TIAM1: variants seen among roughly 807,000 people sequenced by gnomAD.
TIAM1 encodes the protein TIAM Rac1 associated GEF 1.
TIAM1 carries 65 observed loss-of-function variants against 163.5 expected under a neutral mutation model. That is an observed-to-expected ratio of 0.40 (90% CI 0.33 to 0.49). The LOEUF is 0.49. TIAM1 is among the 20% of genes least tolerant of loss of function. TIAM1 has a pLI of 0.77. For synonymous variants in TIAM1, 833 were observed against 810.1 expected (o/e 1.03, Z -0.48); for missense variants, 1,789 against 2,044.7 (o/e 0.87, Z 2.41).
intron 2 of TIAM1, among the ~76,000 whole-genome samples, chr21:31,416,568 C>T (rs182288366): frequency 2.6e-5 from 4 of 152,260 alleles, no homozygotes; most frequent in Admixed American, 2.6e-4. Flanking sequence ...TGAGAACATA[C>T]AATATTTGGT....
chr21:31,155,595 T>C (rs1045371612), intron 16 of TIAM1, among the ~76,000 whole-genome samples: 44 of 152,146 alleles, frequency 2.9e-4, no homozygotes, highest in East Asian at 5.8e-4. Context: ...AGCTCCACCT[T>C]CCGGGTTCAC....
chr21:31,464,450 C>G (rs2045448268), intron 1 of TIAM1, among the ~76,000 whole-genome samples: 1 of 152,136 alleles, frequency 6.6e-6, no homozygotes, highest in South Asian at 2.1e-4. Context: ...GGTTCACACC[C>G]TAATCCCAGC....
chr21:31,516,369 G>A (rs955360694), intron 1 of TIAM1, among the ~76,000 whole-genome samples: 18 of 152,084 alleles, frequency 1.2e-4, no homozygotes, highest in African/African-American at 1.4e-4. Context: ...CTGAGATCTC[G>A]CCACTGCACT....
At chr21:31,506,252 T>TCACACACGTA (rs1326410800) in intron 1 of TIAM1, among the ~76,000 whole-genome samples, 1 of 94,390 alleles carries the variant, frequency 1.1e-5, no homozygotes, top group Non-Finnish European at 2.1e-5. Context: ...TCACGCACTC[T>TCACACACGTA]CACACACGTA....
At chr21:31,292,372 T>A (rs1352940746) in intron 2 of TIAM1, among the ~76,000 whole-genome samples, 8 of 134,058 alleles carry the variant, frequency 6.0e-5, no homozygotes, top group East Asian at 2.1e-4. Flanking sequence ...TTCAATTTCC[T>A]TTTTTTTTTT....
At chr21:31,451,382 C>T (rs2044832927) in intron 2 of TIAM1, among the ~76,000 whole-genome samples, 1 of 152,020 alleles carries the variant, frequency 6.6e-6, no homozygotes, top group Non-Finnish European at 1.5e-5. Context: ...GATAATTCAC[C>T]CCGCATTACT....
intron 2 of TIAM1, among the ~76,000 whole-genome samples, chr21:31,308,767 C>A (rs1028226258): frequency 6.6e-6 from 1 of 152,156 alleles, no homozygotes; most frequent in Admixed American, 6.6e-5. Context: ...CAGAGGCCAA[C>A]AGACGCCAGG....
At chr21:31,433,783 C>A (rs111367817) in intron 2 of TIAM1, among the ~76,000 whole-genome samples, 6 of 152,148 alleles carry the variant, frequency 3.9e-5, no homozygotes, top group Non-Finnish European at 8.8e-5. Context: ...CATAACTGAA[C>A]CTTAATATTT....
At chr21:31,239,980 T>C (rs2071081934) in intron 6 of TIAM1, among the ~76,000 whole-genome samples, 1 of 152,146 alleles carries the variant, frequency 6.6e-6, no homozygotes, top group African/African-American at 2.4e-5. Flanking sequence ...GGTATATATG[T>C]TTGTCCAACA....
At chr21:31,270,925 A>T (rs1209214055) in intron 3 of TIAM1, among the ~76,000 whole-genome samples, 2 of 152,072 alleles carry the variant, frequency 1.3e-5, no homozygotes, top group African/African-American at 4.8e-5. Context: ...TACTCCACCA[A>T]GTTCCTTCAG....
At chr21:31,305,013 C>CG (rs753368544) in intron 2 of TIAM1, among the ~76,000 whole-genome samples, 3 of 152,080 alleles carry the variant, frequency 2.0e-5, no homozygotes, top group Non-Finnish European at 4.4e-5. Flanking sequence ...TCTAAATTCA[C>CG]GGAACTCCTG....
chr21:31,397,744 G>T (rs1248235794), intron 2 of TIAM1, among the ~76,000 whole-genome samples: 1 of 152,186 alleles, frequency 6.6e-6, no homozygotes, highest in Non-Finnish European at 1.5e-5. Context: ...TATACAGAAA[G>T]AAACGCTTTC....
At chr21:31,383,322 A>G (rs1324206120) in intron 2 of TIAM1, among the ~76,000 whole-genome samples, 1 of 152,186 alleles carries the variant, frequency 6.6e-6, no homozygotes, top group East Asian at 1.9e-4. Flanking sequence ...CCCTGTCATG[A>G]TCTAAACATA....
chr21:31,229,273 G>C (rs534339459), intron 6 of TIAM1, among the ~76,000 whole-genome samples: 1 of 152,048 alleles, frequency 6.6e-6, no homozygotes, highest in African/African-American at 2.4e-5. Context: ...GGGTGCTGGT[G>C]TATGACAGGG....
chr21:31,316,880 C>G (rs903179334), intron 2 of TIAM1, among the ~76,000 whole-genome samples: 1 of 152,146 alleles, frequency 6.6e-6, no homozygotes, highest in East Asian at 1.9e-4. Context: ...TCCTGCCCCC[C>G]AGGGAGGGAG....
At chr21:31,372,994 T>A (rs845692) in intron 2 of TIAM1, among the ~76,000 whole-genome samples, 1 of 150,152 alleles carries the variant, frequency 6.7e-6, no homozygotes, top group African/African-American at 2.5e-5. Context: ...GGCAGAGGTT[T>A]CGGTGAGCCG....
intron 2 of TIAM1, among the ~76,000 whole-genome samples, chr21:31,443,578 C>A (rs535428551): frequency 4.5e-4 from 68 of 152,272 alleles, no homozygotes; most frequent in Middle Eastern, 3.4e-3. Flanking sequence ...CCATCAAGGA[C>A]CAGTTTAAAT....
intron 1 of TIAM1, among the ~76,000 whole-genome samples, chr21:31,489,964 G>C (rs942157676): frequency 5.3e-5 from 8 of 152,070 alleles, no homozygotes; most frequent in Admixed American, 5.2e-4. Context: ...TTTTTATCCA[G>C]CCCTTCATAT....
intron 1 of TIAM1, among the ~76,000 whole-genome samples, chr21:31,483,939 C>T (rs1178918607): frequency 6.6e-6 from 1 of 152,154 alleles, no homozygotes; most frequent in South Asian, 2.1e-4. Flanking sequence ...GGTTGGGTCC[C>T]CTGCAGAACT....
Sources: allele counts gnomAD v4.1 joint callset (sites outside exome capture counted in the v4.1 genomes callset), GRCh38; gene constraint gnomAD v4.1.1; transcripts MANE v1.5; gene names NCBI Gene and HGNC (gene_info 2026-07-23, HGNC 2026-07-21).